Variants in MGAT5 observed in about 807,000 individuals in gnomAD.
The protein encoded by MGAT5 is alpha-1,6-mannosylglycoprotein 6-beta-N-acetylglucosaminyltransferase, also known as alpha-1,6-mannosylglycoprotein 6-beta-N-acetylglucosaminyltransferase A.
In MGAT5, 30 loss-of-function variants were observed where a neutral mutation model predicts 94.3. The observed-to-expected ratio is 0.32, with a 90% CI of 0.24 to 0.43. MGAT5 has a LOEUF of 0.43. Among genes scored for constraint, MGAT5 ranks in the 20% least tolerant of loss-of-function variants. The probability of loss-of-function intolerance (pLI) is 1.00; values close to 1 mark genes in which losing one functional copy is unlikely to be tolerated. For missense variants in MGAT5, 691 were observed against 905.5 expected (o/e 0.76, Z 3.04); for synonymous variants, 310 against 322.9 (o/e 0.96, Z 0.43).
intron 13 of MGAT5, 61 bp downstream of exon 13, chr2:134,422,980 A>C: frequency 1.7e-6 from 2 of 1,209,484 alleles, no homozygotes; most frequent in Non-Finnish European, 2.4e-6. Flanking sequence ...TGTATAAAAC[A>C]CATCATAGGT....
intron 1 of MGAT5, among the ~76,000 whole-genome samples, chr2:134,237,525 G>T (rs1681710585): frequency 6.6e-6 from 1 of 151,962 alleles, no homozygotes; most frequent in Admixed American, 6.6e-5. Flanking sequence ...TACCTACCTG[G>T]CTCATTTGAA....
At chr2:134,240,493 T>C (rs1417661213) in intron 1 of MGAT5, among the ~76,000 whole-genome samples, 1 of 152,184 alleles carries the variant, frequency 6.6e-6, no homozygotes. Context: ...TGGTGGTTAG[T>C]TGTAGTCGGA....
intron 1 of MGAT5, among the ~76,000 whole-genome samples, chr2:134,244,826 T>C (rs1682152300): frequency 6.6e-6 from 1 of 152,158 alleles, no homozygotes; most frequent in Non-Finnish European, 1.5e-5. Context: ...AGAGGGTTAT[T>C]GGAGGGCTCT....
At chr2:134,401,721 A>G (rs1683065208) in intron 10 of MGAT5, among the ~76,000 whole-genome samples, 1 of 152,168 alleles carries the variant, frequency 6.6e-6, no homozygotes, top group Non-Finnish European at 1.5e-5. Context: ...TTTCAGTCCC[A>G]CTGTTCATTT....
At position 134,338,380 on chromosome 2, in the gene MGAT5, T is replaced by A. The variant is rs1193668890; in HGVS notation, c.767T>A (p.Leu256Gln). 1 of 1,611,942 alleles carries A rather than the reference T, an allele frequency of 6.2e-7. No individual in the cohort carries two copies. Among genetic ancestry groups the A allele is most frequent in the South Asian group, 1.1e-5 (1 of 90,636 alleles). ...ADAWIQAIKSLAEKQNLEKRK... is the reference protein window; with the variant it reads ...ADAWIQAIKSQAEKQNLEKRK... Reference sequence around the variant, plus strand: ...GCATGGATCCAAGCAATCAAGTCCCTGGCAGAAAAGCAGAACCTTGAAAAG... The same window carrying A: ...GCATGGATCCAAGCAATCAAGTCCCAGGCAGAAAAGCAGAACCTTGAAAAG... Residue 256 changes from leucine to glutamine, a missense_variant, in exon 6 of 16, where the codon CTG becomes CAG. Physicochemically the swap from Leu to Gln is moderately radical, Grantham distance 113. This residue lies in a region of MGAT5 where 307 missense variants were observed against 335.4 expected (regional missense o/e 0.92). Coordinates refer to ENST00000281923, the MANE Select transcript of MGAT5 (RefSeq NM_002410.5).
chr2:134,392,884 C>T (rs1682494756), intron 10 of MGAT5, among the ~76,000 whole-genome samples: 1 of 63,646 alleles, frequency 1.6e-5, no homozygotes, highest in Non-Finnish European at 3.2e-5. Context: ...GACCCAGCAT[C>T]TAGGACAGAA....
intron 10 of MGAT5, among the ~76,000 whole-genome samples, chr2:134,381,382 TTAGATAGATAGATAGATAGA>T (rs61246431): frequency 9.2e-6 from 1 of 108,510 alleles, no homozygotes; most frequent in African/African-American, 3.3e-5. Flanking sequence ...ATAAGATAGA[TTAGATAGATAGATAGATAGA>T]TAGATAGATA....
rs1573871968 is a variant in MGAT5, at chr2:134,345,076, A to G, written c.1112+12A>G. 1.9e-6 allele frequency: 3 copies of G among 1,607,872 alleles called. No homozygotes were observed. The highest frequency in any genetic ancestry group is 2.6e-6 in the Non-Finnish European group (3 of 1,175,736). On this transcript the variant is annotated intron_variant, in intron 8 of 15. Transcript: ENST00000281923. ...TGGGTTCATTACCAGTAAGTGCTAC[A>G]TGGTGTTCTGACTTAAGGTTTTTTT...
At position 134,226,876 on chromosome 2, in the gene MGAT5, G is replaced by A. The variant is rs1681092059; in HGVS notation, c.-142-27386G>A. Among the ~76,000 whole-genome samples, 3 of 152,102 alleles carry A rather than the reference G, an allele frequency of 2.0e-5. No homozygotes were observed. In the South Asian group the frequency reaches 6.2e-4, roughly 31 times the overall value. ...CAGGCATGTAAAGCAGCCTGCATGG[G>A]TTCTGTGGCAAATTGGAAAGCCATG... is the stretch of plus-strand genomic sequence containing the variant. On this transcript the variant is annotated intron_variant, in intron 1 of 16. Transcript: ENST00000409645.
At chr2:134,378,097 G>C (rs1281574549) in intron 10 of MGAT5, among the ~76,000 whole-genome samples, 1 of 152,210 alleles carries the variant, frequency 6.6e-6, no homozygotes, top group Non-Finnish European at 1.5e-5. Context: ...TAATTGCTCA[G>C]TGAAAACGGA....
intron 10 of MGAT5, among the ~76,000 whole-genome samples, chr2:134,378,788 G>A (rs937143911): frequency 1.3e-5 from 2 of 151,934 alleles, no homozygotes; most frequent in Non-Finnish European, 2.9e-5. Context: ...GCTAATTTTT[G>A]TATTTTTAAT....
At chr2:134,150,993 C>A (rs1256763834) in intron 1 of MGAT5, among the ~76,000 whole-genome samples, 1 of 152,130 alleles carries the variant, frequency 6.6e-6, no homozygotes, top group East Asian at 1.9e-4. Context: ...AATCTGCACC[C>A]CACCCCTGCA....
Position 134,416,474 on chromosome 2 carries a change from C to CTTTTTTTTTTTTTTTTTTTT in MGAT5, c.1677+3470_1677+3471insTTTTTTTTTTTTTTTTTTTT, listed in dbSNP as rs71275904. On this transcript the variant is annotated intron_variant, in intron 12 of 15. Coordinates refer to ENST00000281923, the MANE Select transcript of MGAT5 (RefSeq NM_002410.5). ...GCCTGTTTCAGAATCTCATTCCTTA[C>CTTTTTTTTTTTTTTTTTTTT]TTTTTTTTTTTGGAGACCGGGTCTT... is the stretch of plus-strand genomic sequence containing the variant. Among the ~76,000 whole-genome samples the CTTTTTTTTTTTTTTTTTTTT allele has an allele frequency of 7.0e-4, 98 of 139,130 alleles. 3 individuals carry two copies. The highest frequency in any genetic ancestry group is 2.1e-3 in the East Asian group (9 of 4,330). 91.3% of individuals were successfully genotyped at this position (139,130 alleles called of 152,430 possible). A position where few individuals can be genotyped will look rare whatever the true frequency, so the allele number is the denominator to read the frequency against.
intron 1 of MGAT5, among the ~76,000 whole-genome samples, chr2:134,247,319 T>C (rs964433632): frequency 4.7e-5 from 7 of 150,204 alleles, no homozygotes; most frequent in African/African-American, 1.7e-4. Context: ...AGTGCTTTTT[T>C]GTCATACAAT....
intron 1 of MGAT5, among the ~76,000 whole-genome samples, chr2:134,192,025 TC>T (rs1222882259): frequency 6.7e-6 from 1 of 148,792 alleles, no homozygotes; most frequent in Non-Finnish European, 1.5e-5. Flanking sequence ...GTGAGCGGGT[TC>T]CTGATTGAAG....
At chr2:134,292,498 A>G (rs1296247933) in intron 2 of MGAT5, among the ~76,000 whole-genome samples, 4 of 152,172 alleles carry the variant, frequency 2.6e-5, no homozygotes, top group African/African-American at 4.8e-5. Context: ...GTCTGCTGCT[A>G]ACGGAAGGTT....
chr2:134,381,089 C>A lies in MGAT5; in HGVS notation c.1380+18681C>A, dbSNP rs113224524. 4.7e-3 allele frequency among the ~76,000 whole-genome samples: 714 copies of A among 152,116 alleles called. 7 individuals are homozygous for A. Among genetic ancestry groups the A allele is most frequent in the African/African-American group, 0.016 (675 of 41,490 alleles). On this transcript the variant is annotated intron_variant, in intron 10 of 15. Coordinates refer to ENST00000281923, the MANE Select transcript of MGAT5 (RefSeq NM_002410.5). ...GTCCTTGCATATAGAAGAGCCCATGCAATCATTTGTGGAAATGAATTCTGA... is the reference window on the plus strand; with the variant it reads ...GTCCTTGCATATAGAAGAGCCCATGAAATCATTTGTGGAAATGAATTCTGA...
At chr2:134,121,344 G>T (rs906354371) in intron 1 of MGAT5, among the ~76,000 whole-genome samples, 8 of 152,240 alleles carry the variant, frequency 5.3e-5, no homozygotes, top group Non-Finnish European at 1.2e-4. Flanking sequence ...AGCAGGCAGG[G>T]TGCAAGGGGG....
intron 1 of MGAT5, among the ~76,000 whole-genome samples, chr2:134,264,912 T>C (rs938284262): frequency 2.0e-5 from 3 of 152,240 alleles, no homozygotes; most frequent in African/African-American, 4.8e-5. Context: ...TAAATAATTT[T>C]TGGCATTTCA....
Sources: allele counts gnomAD v4.1 joint callset (sites outside exome capture counted in the v4.1 genomes callset), GRCh38; gene constraint gnomAD v4.1.1; regional missense constraint gnomAD v4.1.1; transcripts MANE v1.5; gene names NCBI Gene and HGNC (gene_info 2026-07-23, HGNC 2026-07-21).